ASCC3: variants seen among roughly 807,000 people sequenced by gnomAD.
The protein encoded by ASCC3 is ASC-1 complex subunit P200.
In ASCC3, 158 loss-of-function variants were observed where a neutral mutation model predicts 256.3. That is an observed-to-expected ratio of 0.62 (90% CI 0.54 to 0.70). The LOEUF (loss-of-function observed/expected upper bound fraction) is 0.70. ASCC3 is among the 30% of genes least tolerant of loss of function. The pLI, the probability that ASCC3 is intolerant of heterozygous loss-of-function variation, is 0.00. For synonymous variants in ASCC3, 948 were observed against 883.4 expected (o/e 1.07, Z -1.30); for missense variants, 2,259 against 2,626.0 (o/e 0.86, Z 3.05).
chr6:100,563,180 C>A (rs548852882), intron 36 of ASCC3, among the ~76,000 whole-genome samples: 2 of 151,970 alleles, frequency 1.3e-5, no homozygotes, highest in Non-Finnish European at 2.9e-5. Flanking sequence ...TTTTAAATTA[C>A]ATTTAAAGAC....
At chr6:100,607,458 T>A (rs2114808543) in intron 30 of ASCC3, among the ~76,000 whole-genome samples, 1 of 151,996 alleles carries the variant, frequency 6.6e-6, no homozygotes, top group South Asian at 2.1e-4. Flanking sequence ...CCAAAAATTT[T>A]AAAAATACAG....
intron 23 of ASCC3, among the ~76,000 whole-genome samples, chr6:100,643,582 C>G (rs1271947613): frequency 6.6e-6 from 1 of 152,110 alleles, no homozygotes; most frequent in African/African-American, 2.4e-5. Context: ...GGTATAGCCT[C>G]CTAAATATCT....
rs1348113199 is a variant in ASCC3 at position 100,608,124 on chromosome 6, A to ATGTATATATATT, written c.4786-1037_4786-1036insAATATATATACA. On this transcript the variant is annotated intron_variant, in intron 30 of 41. Transcript: ENST00000369162. ...CATATATATGTATATATATCTATAT[A>ATGTATATATATT]TACATATATATGTATATATATCTAT... Among the ~76,000 whole-genome samples the ATGTATATATATT allele has an allele frequency of 4.2e-3, 520 of 124,114 alleles. 9 individuals carry two copies. The highest frequency in any genetic ancestry group is 0.014 in the East Asian group (59 of 4,292). The allele number at this position is 124,114 out of a possible 152,430, so 81.4% of individuals were successfully genotyped here. A position where few individuals can be genotyped will look rare whatever the true frequency, so the allele number is the denominator to read the frequency against.
chr6:100,530,712 C>G, intron 37 of ASCC3: 1 of 949,824 alleles, frequency 1.1e-6, no homozygotes, highest in South Asian at 1.3e-5. Context: ...CAAGATGTAA[C>G]AAGAATTGAA....
intron 10 of ASCC3, among the ~76,000 whole-genome samples, chr6:100,756,622 C>T (rs761107231): frequency 1.1e-4 from 16 of 151,966 alleles, no homozygotes; most frequent in Non-Finnish European, 1.9e-4. Flanking sequence ...TGTATATACA[C>T]TAAGGGAATT....
At chr6:100,545,903 C>T (rs1242521844) in intron 36 of ASCC3, among the ~76,000 whole-genome samples, 1 of 152,056 alleles carries the variant, frequency 6.6e-6, no homozygotes, top group Non-Finnish European at 1.5e-5. Flanking sequence ...TTCTATTCAA[C>T]ACTGTACCAC....
At chr6:100,759,276 C>A (rs1289364697) in intron 10 of ASCC3, among the ~76,000 whole-genome samples, 1 of 152,162 alleles carries the variant, frequency 6.6e-6, no homozygotes, top group African/African-American at 2.4e-5. Flanking sequence ...GCTTTTGTTG[C>A]AATTGCTTTT....
chr6:100,585,533 C>T (rs1771605678), intron 36 of ASCC3, among the ~76,000 whole-genome samples: 1 of 152,166 alleles, frequency 6.6e-6, no homozygotes, highest in Admixed American at 6.5e-5. Context: ...GAATTTCCTC[C>T]TGTAGCTCAG....
At chr6:100,723,448 A>G (rs1779439830) in intron 11 of ASCC3, among the ~76,000 whole-genome samples, 1 of 151,748 alleles carries the variant, frequency 6.6e-6, no homozygotes, top group African/African-American at 2.4e-5. Flanking sequence ...TCTTCATTGA[A>G]CTGAGAGCTT....
rs549287728 is a variant in ASCC3, at chr6:100,592,157, C to T, written c.5304-2098G>A. Reference sequence around the variant, plus strand: ...TAAGTCACCAAAAAAAAAAAAAAATCAACCTAAATGATGTTTCTGAGATTA... The same window carrying T: ...TAAGTCACCAAAAAAAAAAAAAAATTAACCTAAATGATGTTTCTGAGATTA... On this transcript the variant is annotated intron_variant, in intron 34 of 41. Transcript: ENST00000369162. Among the ~76,000 whole-genome samples, 3 of 146,280 alleles carry T rather than the reference C, an allele frequency of 2.1e-5. No individual in the cohort carries two copies. In the South Asian group the frequency reaches 6.3e-4, roughly 31 times the overall value.
At chr6:100,752,629 T>A (rs1311979685) in intron 10 of ASCC3, among the ~76,000 whole-genome samples, 1 of 152,118 alleles carries the variant, frequency 6.6e-6, no homozygotes, top group African/African-American at 2.4e-5. Context: ...CATCTGTTTA[T>A]CCTCCAACCT....
At chr6:100,579,497 T>C (rs1771078402) in intron 36 of ASCC3, among the ~76,000 whole-genome samples, 1 of 152,142 alleles carries the variant, frequency 6.6e-6, no homozygotes, top group Non-Finnish European at 1.5e-5. Context: ...AAGTCTTCAA[T>C]CCATCTTGAC....
rs148096287 is a variant in ASCC3, at chr6:100,725,543, C to T, written c.1898G>A (p.Arg633Gln). 18 of 1,611,976 alleles carry T rather than the reference C, an allele frequency of 1.1e-5. No homozygotes were observed. The highest frequency in any genetic ancestry group is 4.0e-5 in the African/African-American group (3 of 74,782). The part of the protein sequence containing the change: ...VLESIVARTL[R>Q]QVESTQSMIR... Reference sequence around the variant, plus strand: ...TTATACATAACTTCCTCTTACCTGCCGTAAAGTACGGGCAACTATGCTTTC... The same window carrying T: ...TTATACATAACTTCCTCTTACCTGCTGTAAAGTACGGGCAACTATGCTTTC... Residue 633 changes from arginine to glutamine, a missense_variant, in exon 11 of 42, where the codon CGG becomes CAG. Arg to Gln is a conservative substitution (Grantham distance 43, BLOSUM62 1). Transcript: ENST00000369162.
intron 10 of ASCC3, among the ~76,000 whole-genome samples, chr6:100,742,833 G>A (rs1191874514): frequency 1.3e-5 from 2 of 152,224 alleles, no homozygotes; most frequent in Non-Finnish European, 2.9e-5. Context: ...CCATTGGCTG[G>A]CTGGAATTCC....
chr6:100,564,481 A>G (rs1770127290), intron 36 of ASCC3, among the ~76,000 whole-genome samples: 1 of 152,050 alleles, frequency 6.6e-6, no homozygotes, highest in Non-Finnish European at 1.5e-5. Flanking sequence ...AGCTTATTTC[A>G]CTTAACATAA....
intron 30 of ASCC3, among the ~76,000 whole-genome samples, chr6:100,611,463 A>G (rs1773392370): frequency 6.6e-6 from 1 of 152,118 alleles, no homozygotes; most frequent in Non-Finnish European, 1.5e-5. Flanking sequence ...AAGCAAAAGT[A>G]TTCAGGAACT....
At chr6:100,869,250 T>A (rs1312317653) in intron 1 of ASCC3, among the ~76,000 whole-genome samples, 1 of 152,158 alleles carries the variant, frequency 6.6e-6, no homozygotes, top group Non-Finnish European at 1.5e-5. Context: ...AAGAATTATC[T>A]ACACCAAAAT....
chr6:100,659,114 TA>T (rs1776064031), intron 16 of ASCC3, among the ~76,000 whole-genome samples: 2 of 151,430 alleles, frequency 1.3e-5, no homozygotes, highest in Non-Finnish European at 3.0e-5. Flanking sequence ...CCAGTTCTCC[TA>T]AACTAATAGT....
chr6:100,620,221 T>G (rs79889207), intron 30 of ASCC3, among the ~76,000 whole-genome samples: 1 of 152,226 alleles, frequency 6.6e-6, no homozygotes, highest in East Asian at 1.9e-4. Context: ...GAGAGAATGA[T>G]GCAAAGACCT....
Sources: gnomAD v4.1 joint callset for allele counts (sites outside exome capture counted in the v4.1 genomes callset) on GRCh38, gnomAD v4.1.1 for gene constraint, MANE v1.5 for transcripts, NCBI Gene and HGNC (gene_info 2026-07-23, HGNC 2026-07-21) for gene names.